TENM3: variants seen among roughly 807,000 people sequenced by gnomAD.
TENM3 encodes the protein teneurin transmembrane protein 3.
TENM3 carries 63 observed loss-of-function variants against 255.1 expected under a neutral mutation model. The observed-to-expected ratio is 0.25, with a 90% confidence interval of 0.20 to 0.30. The LOEUF is 0.30. Among genes scored for constraint, TENM3 ranks in the 10% least tolerant of loss-of-function variants. The pLI, the probability that TENM3 is intolerant of heterozygous loss-of-function variation, is 1.00. For missense variants in TENM3, 2,929 were observed against 3,461.1 expected (o/e 0.85, Z 3.86); for synonymous variants, 1,306 against 1,322.3 (o/e 0.99, Z 0.27).
chr4:181,634,754 G>GA, the TENM3 span, among the ~76,000 whole-genome samples: 1 of 152,096 alleles, frequency 6.6e-6, no homozygotes, highest in Non-Finnish European at 1.5e-5. Flanking sequence ...CAAGCTACTA[G>GA]AATCTGCTCT....
chr4:181,654,987 G>A, the TENM3 span, among the ~76,000 whole-genome samples: 3 of 152,158 alleles, frequency 2.0e-5, no homozygotes, highest in Admixed American at 1.3e-4. Flanking sequence ...CAGACAACTA[G>A]CTGACTGGCC....
At chr4:182,478,944 T>C (rs1296341749) in intron 3 of TENM3, among the ~76,000 whole-genome samples, 113 of 152,020 alleles carry the variant, frequency 7.4e-4, no homozygotes, top group Non-Finnish European at 7.4e-5. Context: ...TTGATGGTTG[T>C]TGGCTAAATT....
upstream of TENM3, among the ~76,000 whole-genome samples, chr4:182,141,033 A>G (rs550977163): frequency 1.0e-5 from 1 of 95,696 alleles, no homozygotes; most frequent in African/African-American, 4.2e-5. Flanking sequence ...CAAAGGCCCC[A>G]GGCATGCATT....
At chr4:182,199,596 G>GA (rs1018661846) in intron 1 of TENM3, among the ~76,000 whole-genome samples, 21 of 151,322 alleles carry the variant, frequency 1.4e-4, no homozygotes, top group African/African-American at 5.1e-4. Flanking sequence ...TGTGTTGTTA[G>GA]AAAAAAATAA....
chr4:181,999,787 A>T, the TENM3 span, among the ~76,000 whole-genome samples: 1 of 152,156 alleles, frequency 6.6e-6, no homozygotes, highest in Admixed American at 6.6e-5. Context: ...TGACTAGAAC[A>T]TTGCTGTATT....
intron 27 of TENM3, among the ~76,000 whole-genome samples, chr4:182,797,436 T>C (rs1766575413): frequency 7.6e-6 from 1 of 131,434 alleles, no homozygotes; most frequent in African/African-American, 3.7e-5. Context: ...CGAAACTCCG[T>C]CTCAAAAAAA....
intron 3 of TENM3, among the ~76,000 whole-genome samples, chr4:182,383,741 C>T (rs949563508): frequency 2.6e-5 from 4 of 152,074 alleles, no homozygotes; most frequent in Admixed American, 2.6e-4. Context: ...ATCACATTAC[C>T]CAATTTCAGA....
chr4:182,232,869 AT>A (rs1331374371), intron 1 of TENM3, among the ~76,000 whole-genome samples: 3 of 152,106 alleles, frequency 2.0e-5, no homozygotes, highest in Admixed American at 1.3e-4. Flanking sequence ...CAAAAGGAGG[AT>A]TCACATTCCT....
chr4:181,726,288 A>G, the TENM3 span, among the ~76,000 whole-genome samples: 1 of 152,088 alleles, frequency 6.6e-6, no homozygotes, highest in Non-Finnish European at 1.5e-5. Context: ...AAGAACACCA[A>G]TTTTCTTTCC....
At chr4:182,378,685 G>A (rs1400834456) in intron 3 of TENM3, among the ~76,000 whole-genome samples, 1 of 152,152 alleles carries the variant, frequency 6.6e-6, no homozygotes, top group African/African-American at 2.4e-5. Flanking sequence ...ATGAAATAAG[G>A]TTGCAGAGGA....
At chr4:182,249,554 C>A (rs535204638) in intron 1 of TENM3, among the ~76,000 whole-genome samples, 17 of 152,250 alleles carry the variant, frequency 1.1e-4, no homozygotes, top group African/African-American at 3.9e-4. Flanking sequence ...CCATCGTAGA[C>A]TGAACCGCTT....
the TENM3 span, among the ~76,000 whole-genome samples, chr4:181,613,400 G>A: frequency 1.3e-5 from 2 of 152,208 alleles, no homozygotes; most frequent in Non-Finnish European, 2.9e-5. Flanking sequence ...GATGCTGAGG[G>A]AAACTTGGCT....
intron 1 of TENM3, among the ~76,000 whole-genome samples, chr4:182,184,211 A>G (rs1458096615): frequency 6.6e-6 from 1 of 152,228 alleles, no homozygotes; most frequent in Admixed American, 6.5e-5. Context: ...TTACAAATTC[A>G]TTCCCAGTAG....
chr4:181,872,638 A>T, the TENM3 span, among the ~76,000 whole-genome samples: 11,940 of 152,130 alleles, frequency 0.078, 715 homozygotes, highest in East Asian at 0.32. Flanking sequence ...ATGAATTGTG[A>T]TCATATTCCC....
chr4:181,935,546 A>G, the TENM3 span, among the ~76,000 whole-genome samples: 1 of 152,174 alleles, frequency 6.6e-6, no homozygotes, highest in Non-Finnish European at 1.5e-5. Flanking sequence ...ACCGGGCATC[A>G]CTATGGCACT....
chr4:182,433,114 C>T (rs1008747958), intron 3 of TENM3, among the ~76,000 whole-genome samples: 1 of 152,046 alleles, frequency 6.6e-6, no homozygotes, highest in East Asian at 1.9e-4. Context: ...ATTGCATTAG[C>T]AGAGGTAGTG....
At chr4:181,771,323 T>A in the TENM3 span, among the ~76,000 whole-genome samples, 1 of 152,208 alleles carries the variant, frequency 6.6e-6, no homozygotes, top group South Asian at 2.1e-4. Flanking sequence ...GGAAGAGATG[T>A]TAGTTCAAAT....
At chr4:182,151,378 C>T (rs1750338280) in intron 1 of TENM3, among the ~76,000 whole-genome samples, 1 of 152,058 alleles carries the variant, frequency 6.6e-6, no homozygotes. Flanking sequence ...TATTTTCAGT[C>T]TACCTAATGT....
chr4:181,899,135 G>A, the TENM3 span, among the ~76,000 whole-genome samples: 1 of 151,632 alleles, frequency 6.6e-6, no homozygotes, highest in Admixed American at 6.6e-5. Flanking sequence ...TTTTTTTCCA[G>A]AGAAAAGAAG....
Sources: allele counts gnomAD v4.1 joint callset (sites outside exome capture counted in the v4.1 genomes callset), GRCh38; gene constraint gnomAD v4.1.1; transcripts MANE v1.5; gene names NCBI Gene and HGNC (gene_info 2026-07-23, HGNC 2026-07-21).